The following TEX11 variants were observed in gnomAD, a reference collection of about 807,000 sequenced individuals.
The protein encoded by TEX11 is testis expressed 11.
A neutral mutation model predicts 84.4 loss-of-function variants in TEX11; 7 were observed. That is an observed-to-expected ratio of 0.08 (90% CI 0.05 to 0.16). The LOEUF (loss-of-function observed/expected upper bound fraction) is 0.16. Among genes scored for constraint, TEX11 ranks in the 10% least tolerant of loss-of-function variants. The probability of loss-of-function intolerance (pLI) is 1.00; values close to 1 mark genes in which losing one functional copy is unlikely to be tolerated. For synonymous variants in TEX11, 264 were observed against 222.8 expected, an observed-to-expected ratio of 1.18 and a Z score of -1.64; for missense variants, 551 against 660.5, an observed-to-expected ratio of 0.83 and a Z score of 1.82.
the TEX11 span, among the ~76,000 whole-genome samples, chrX:70,521,820 T>C: frequency 9.0e-6 from 1 of 111,315 alleles, no homozygotes; most frequent in Non-Finnish European, 1.9e-5. Context: ...AAAGGTAGCA[T>C]GAGGGAAAAG....
At chrX:70,803,732 ACCT>A (rs1430481628) in intron 9 of TEX11, among the ~76,000 whole-genome samples, 1 of 111,740 alleles carries the variant, frequency 8.9e-6, no homozygotes, top group Non-Finnish European at 1.9e-5. Context: ...ATTTTCCATG[ACCT>A]CCTTCTGGTA....
intron 17 of TEX11, among the ~76,000 whole-genome samples, chrX:70,637,984 G>A (rs764056255): frequency 4.6e-5 from 5 of 109,751 alleles, no homozygotes; most frequent in Non-Finnish European, 9.5e-5. Flanking sequence ...AAAAAGCTTA[G>A]GGACTTATGG....
At position 70,715,214 on chromosome X, in the gene TEX11, C is replaced by T. The variant is rs377513864; in HGVS notation, c.1004+7404G>A. ...TGGGCAACCCGACCTTTCTCTCTGG[C>T]TTCACTTAACATTTTTTCCTTCATT... is the stretch of plus-strand genomic sequence containing the variant. On this transcript the variant is annotated intron_variant, in intron 13 of 29. Transcript: ENST00000374333. Among the ~76,000 whole-genome samples the T allele has an allele frequency of 2.2e-3, 234 of 107,938 alleles. 10 individuals are homozygous for T. Among genetic ancestry groups the T allele is most frequent in the African/African-American group, 8.4e-3 (232 of 27,556 alleles). The allele number at this position is 107,938 out of a possible 115,157, so 93.7% of individuals were successfully genotyped here.
intron 28 of TEX11, among the ~76,000 whole-genome samples, chrX:70,531,961 T>C (rs1603028612): frequency 9.0e-6 from 1 of 111,670 alleles, no homozygotes; most frequent in South Asian, 3.8e-4. Flanking sequence ...AGACGATTTA[T>C]GTAGAGGAGT....
chrX:70,872,913 T>A (rs1375605511), intron 4 of TEX11, among the ~76,000 whole-genome samples: 1 of 111,968 alleles, frequency 8.9e-6, no homozygotes, highest in East Asian at 2.8e-4. Flanking sequence ...TGAGAAATAA[T>A]CCATGTCCTT....
intron 17 of TEX11, among the ~76,000 whole-genome samples, chrX:70,634,096 C>G (rs975104362): frequency 9.0e-6 from 1 of 111,309 alleles, no homozygotes; most frequent in African/African-American, 3.3e-5. Flanking sequence ...CAATCGGAAA[C>G]CAAATTTTTT....
At chrX:70,519,952 G>C in the TEX11 span, among the ~76,000 whole-genome samples, 1 of 111,818 alleles carries the variant, frequency 8.9e-6, no homozygotes, top group East Asian at 2.8e-4. Flanking sequence ...TCATGCCATG[G>C]TTTTAAGCTC....
intron 13 of TEX11, among the ~76,000 whole-genome samples, chrX:70,692,106 T>C (rs1200444289): frequency 1.8e-5 from 2 of 111,812 alleles, no homozygotes; most frequent in Admixed American, 1.9e-4. Flanking sequence ...TTTTTTATTT[T>C]TATTGTGGTA....
chrX:70,677,956 G>C (rs901797145), intron 15 of TEX11, among the ~76,000 whole-genome samples: 103 of 108,330 alleles, frequency 9.5e-4, no homozygotes, highest in African/African-American at 3.4e-3. Context: ...GGACACTACA[G>C]GCGTGTGCTA....
chrX:70,554,371 C>T (rs1189021129), intron 26 of TEX11, among the ~76,000 whole-genome samples: 1 of 111,334 alleles, frequency 9.0e-6, no homozygotes, highest in South Asian at 3.8e-4. Flanking sequence ...ATTTGAGCAC[C>T]TATTAGGAGC....
At chrX:70,692,697 C>G (rs2147671103) in intron 13 of TEX11, among the ~76,000 whole-genome samples, 1 of 109,498 alleles carries the variant, frequency 9.1e-6, no homozygotes, top group Admixed American at 9.8e-5. Context: ...ATATATATCA[C>G]ATTTTGCTTA....
chrX:70,862,828 T>C (rs1268222991), intron 4 of TEX11, among the ~76,000 whole-genome samples: 5 of 107,123 alleles, frequency 4.7e-5, no homozygotes, highest in South Asian at 8.4e-4. Context: ...GGCAGGAAAG[T>C]CTCTTCAACC....
intron 9 of TEX11, among the ~76,000 whole-genome samples, chrX:70,803,074 C>T (rs1280747195): frequency 9.0e-6 from 1 of 111,369 alleles, no homozygotes; most frequent in Non-Finnish European, 1.9e-5. Flanking sequence ...CAGGAGCAGA[C>T]ATAGGAGCTC....
chrX:70,618,715 G>A (rs1249188914), intron 20 of TEX11, among the ~76,000 whole-genome samples: 2 of 111,893 alleles, frequency 1.8e-5, no homozygotes, highest in Non-Finnish European at 3.8e-5. Flanking sequence ...AATGCTCAGA[G>A]TGTAATAAAA....
intron 9 of TEX11, among the ~76,000 whole-genome samples, chrX:70,791,031 A>G (rs778452523): frequency 8.9e-6 from 1 of 111,928 alleles, no homozygotes; most frequent in East Asian, 2.8e-4. Flanking sequence ...CATATACACC[A>G]TGGAATACTA....
chrX:70,830,048 C>T (rs923559905), intron 8 of TEX11, among the ~76,000 whole-genome samples: 2 of 110,094 alleles, frequency 1.8e-5, no homozygotes, highest in Non-Finnish European at 3.8e-5. Context: ...ACTAAACTCT[C>T]CAATCAAAGG....
chrX:70,599,375 C>G (rs1177699925), intron 24 of TEX11, among the ~76,000 whole-genome samples: 1 of 111,880 alleles, frequency 8.9e-6, no homozygotes, highest in Non-Finnish European at 1.9e-5. Flanking sequence ...TCTCCTAACT[C>G]ATACTCAGAA....
downstream of TEX11, among the ~76,000 whole-genome samples, chrX:70,525,447 T>C (rs1446252512): frequency 9.1e-6 from 1 of 109,416 alleles, no homozygotes; most frequent in Non-Finnish European, 1.9e-5. Flanking sequence ...ATTAGCCGAG[T>C]GTGGTGGCAC....
chrX:70,890,579 C>A (rs939495056), intron 2 of TEX11, among the ~76,000 whole-genome samples: 1 of 112,688 alleles, frequency 8.9e-6, no homozygotes. Context: ...GCAGGTCCCA[C>A]GACAACAAAG....
Sources: allele counts gnomAD v4.1 joint callset (sites outside exome capture counted in the v4.1 genomes callset), GRCh38; gene constraint gnomAD v4.1.1; transcripts MANE v1.5; gene names NCBI Gene and HGNC (gene_info 2026-07-23, HGNC 2026-07-21).